Variants in GNAO1 observed in about 807,000 individuals in gnomAD.
GNAO1 encodes the protein G protein subunit alpha o1, also known as guanine nucleotide-binding protein G(o) subunit alpha.
For missense variants in GNAO1, 166 were observed against 478.7 expected (o/e 0.35, Z 6.10); for synonymous variants, 164 against 180.7 (o/e 0.91, Z 0.74).
intron 2 of GNAO1, among the ~76,000 whole-genome samples, chr16:56,215,384 G>C (rs769679941): frequency 5.3e-5 from 8 of 152,208 alleles, no homozygotes; most frequent in Non-Finnish European, 1.2e-4. Flanking sequence ...CTCACCATGA[G>C]CCTGACACAG....
At chr16:56,334,638 C>T (rs951736302) in intron 4 of GNAO1, 91 bp from the exon 5 acceptor site, 9 of 1,395,940 alleles carry the variant, frequency 6.4e-6, no homozygotes, top group African/African-American at 1.4e-5. Context: ...GGGCCCTGAC[C>T]GAGACTGGAC....
chr16:56,354,080 T>G lies in GNAO1; in HGVS notation c.878-786T>G, dbSNP rs2037947639. ...GTGGCCTCTTCTTAAAGGAAACCAA[T>G]GAGGAAGGAGTGCAGGTCCCTCTGA... is the stretch of plus-strand genomic sequence containing the variant. On this transcript the variant is annotated intron_variant, in intron 7 of 8. Transcript: ENST00000262493. This position sits in a 1 kb window ranked among gnomAD's most constrained non-coding sequence, Gnocchi z 4.3. 6.6e-6 allele frequency among the ~76,000 whole-genome samples: 1 copy of G among 152,216 alleles called. No homozygotes were observed. The highest frequency in any genetic ancestry group is 6.5e-5 in the Admixed American group (1 of 15,282).
intron 2 of GNAO1, among the ~76,000 whole-genome samples, chr16:56,199,679 A>G (rs1334563644): frequency 2.6e-5 from 4 of 152,358 alleles, no homozygotes; most frequent in African/African-American, 9.6e-5. Context: ...TTTTCACCAT[A>G]GAATTTCTCA....
intron 3 of GNAO1, among the ~76,000 whole-genome samples, chr16:56,299,933 T>C (rs2037324676): frequency 6.6e-6 from 1 of 152,148 alleles, no homozygotes; most frequent in African/African-American, 2.4e-5. Context: ...CAGATGCCTG[T>C]GTTTTATAAT....
At chr16:56,275,706 A>G (rs567878357) in intron 2 of GNAO1, among the ~76,000 whole-genome samples, 37 of 152,274 alleles carry the variant, frequency 2.4e-4, no homozygotes, top group African/African-American at 6.3e-4. Flanking sequence ...TTCTTTCATT[A>G]TGTAGGGAAT....
chr16:56,343,223 T>C (rs931222678), intron 6 of GNAO1, among the ~76,000 whole-genome samples: 25 of 151,912 alleles, frequency 1.6e-4, no homozygotes, highest in African/African-American at 6.0e-4. Flanking sequence ...GCACAATGGC[T>C]CACGCCTATA....
At chr16:56,259,589 C>T (rs2036884512) in intron 2 of GNAO1, among the ~76,000 whole-genome samples, 1 of 152,180 alleles carries the variant, frequency 6.6e-6, no homozygotes, top group African/African-American at 2.4e-5. Context: ...CAGAGCTCTC[C>T]CTAGACAGTC....
intron 2 of GNAO1, among the ~76,000 whole-genome samples, chr16:56,232,984 G>A (rs1273012603): frequency 6.6e-6 from 1 of 152,198 alleles, no homozygotes; most frequent in African/African-American, 2.4e-5. Context: ...AGGCCGGAAG[G>A]ACTTCACCAT....
At chr16:56,252,750 C>T (rs2036810852) in intron 2 of GNAO1, among the ~76,000 whole-genome samples, 1 of 152,222 alleles carries the variant, frequency 6.6e-6, no homozygotes, top group African/African-American at 2.4e-5. Context: ...AGACCCTTCT[C>T]CCCTCCCAAC....
chr16:56,208,542 T>G (rs528953949), intron 2 of GNAO1, among the ~76,000 whole-genome samples: 1 of 152,264 alleles, frequency 6.6e-6, no homozygotes, highest in South Asian at 2.1e-4. Context: ...TTCAACTGCA[T>G]TAGATAATAT....
At chr16:56,204,177 A>T (rs147313258) in intron 2 of GNAO1, among the ~76,000 whole-genome samples, 319 of 152,260 alleles carry the variant, frequency 2.1e-3, no homozygotes, top group African/African-American at 6.9e-3. Flanking sequence ...GTGAGATGGG[A>T]TTTAGTTATG....
intron 3 of GNAO1, among the ~76,000 whole-genome samples, chr16:56,294,433 T>C (rs2037264501): frequency 6.6e-6 from 1 of 152,074 alleles, no homozygotes; most frequent in Non-Finnish European, 1.5e-5. Flanking sequence ...CTGGATTCTT[T>C]CTGCTGCCTC....
intron 3 of GNAO1, among the ~76,000 whole-genome samples, chr16:56,287,656 G>A (rs565841650): frequency 1.2e-3 from 176 of 152,334 alleles, no homozygotes; most frequent in African/African-American, 4.1e-3. Context: ...AAGGGTTGGT[G>A]TCAAGGCCTC....
intron 2 of GNAO1, among the ~76,000 whole-genome samples, chr16:56,260,963 C>T (rs1314217431): frequency 6.6e-5 from 10 of 152,112 alleles, no homozygotes; most frequent in Non-Finnish European, 1.3e-4. Context: ...GTTCAAAGGC[C>T]CAACAAAGGG....
At chr16:56,347,810 C>G in intron 6 of GNAO1, 1 of 973,792 alleles carries the variant, frequency 1.0e-6, no homozygotes, top group African/African-American at 1.8e-5. Context: ...TCCACACCTG[C>G]CCTGTTACTC....
chr16:56,264,710 A>G (rs2036935164), intron 2 of GNAO1, among the ~76,000 whole-genome samples: 1 of 150,416 alleles, frequency 6.6e-6, no homozygotes, highest in Non-Finnish European at 1.5e-5. Flanking sequence ...ATATTAGAAT[A>G]TCAAGTTTTA....
chr16:56,287,992 G>A (rs960273498), intron 3 of GNAO1, among the ~76,000 whole-genome samples: 3 of 152,198 alleles, frequency 2.0e-5, no homozygotes, highest in Non-Finnish European at 4.4e-5. Flanking sequence ...TAGCATCTGC[G>A]CAGAGTAAAT....
intron 3 of GNAO1, among the ~76,000 whole-genome samples, chr16:56,317,587 G>A (rs1216796182): frequency 2.0e-5 from 3 of 152,258 alleles, no homozygotes; most frequent in Non-Finnish European, 4.4e-5. Context: ...AGGGGATGGT[G>A]GTGGGTTGGA....
chr16:56,267,814 C>T (rs2143501049), intron 2 of GNAO1, among the ~76,000 whole-genome samples: 1 of 152,198 alleles, frequency 6.6e-6, no homozygotes, highest in Admixed American at 6.5e-5. Flanking sequence ...TGGCTGGCAC[C>T]TAGTAGGTAT....
Sources: allele counts gnomAD v4.1 joint callset (sites outside exome capture counted in the v4.1 genomes callset), GRCh38; gene constraint gnomAD v4.1.1; non-coding constraint Gnocchi (gnomAD v3.1); transcripts MANE v1.5; gene names NCBI Gene and HGNC (gene_info 2026-07-23, HGNC 2026-07-21).